PKHD1: variants seen among roughly 807,000 people sequenced by gnomAD.
PKHD1 encodes fibrocystin.
Under a neutral mutation model 412.0 loss-of-function variants are expected in PKHD1, and 291 were observed. That is an observed-to-expected ratio of 0.71 (90% CI 0.64 to 0.78). The LOEUF (loss-of-function observed/expected upper bound fraction) is 0.78, where lower values mean the gene tolerates loss of function less well. Among genes scored for constraint, PKHD1 ranks in the 30% least tolerant of loss-of-function variants. The probability of loss-of-function intolerance (pLI) is 0.00; values close to 1 mark genes in which losing one functional copy is unlikely to be tolerated. For synonymous variants in PKHD1, 1,777 were observed against 1,821.5 expected (o/e 0.98, Z 0.62); for missense variants, 4,825 against 4,950.7 (o/e 0.97, Z 0.76).
chr6:51,925,455 A>G (rs1160482), intron 37 of PKHD1, among the ~76,000 whole-genome samples: 80,790 of 144,518 alleles, frequency 0.56, 23,106 homozygotes, highest in East Asian at 0.93. Context: ...GTGTGTGTGT[A>G]TGTGTGTGTG....
intron 30 of PKHD1, 81 bp from the exon 31 acceptor site, chr6:52,027,977 T>C: frequency 8.0e-7 from 1 of 1,257,096 alleles, no homozygotes; most frequent in Non-Finnish European, 1.2e-6. Context: ...CATATGTATT[T>C]TGAGGAGAAG....
At chr6:51,844,852 G>A (rs1582998130) in intron 50 of PKHD1, among the ~76,000 whole-genome samples, 1 of 152,166 alleles carries the variant, frequency 6.6e-6, no homozygotes. Context: ...GGAATTCCGT[G>A]GCCATGATAG....
At chr6:51,709,014 C>G (rs73738167) in intron 60 of PKHD1, among the ~76,000 whole-genome samples, 2,678 of 152,284 alleles carry the variant, frequency 0.018, 83 homozygotes, top group African/African-American at 0.06. Context: ...TATTTACTAT[C>G]TGACCCTTTT....
chr6:52,026,618 A>T (rs530560607), intron 31 of PKHD1, among the ~76,000 whole-genome samples: 9 of 152,320 alleles, frequency 5.9e-5, no homozygotes, highest in African/African-American at 1.9e-4. Flanking sequence ...AATCAAATTC[A>T]TTGAAGTCTT....
chr6:51,828,925 C>T (rs982265035), intron 52 of PKHD1, among the ~76,000 whole-genome samples: 1 of 152,084 alleles, frequency 6.6e-6, no homozygotes, highest in Non-Finnish European at 1.5e-5. Context: ...AATCACAGAT[C>T]ATTTTTTGGA....
intron 37 of PKHD1, among the ~76,000 whole-genome samples, chr6:51,932,933 G>T (rs1408479136): frequency 6.6e-6 from 1 of 152,158 alleles, no homozygotes; most frequent in Non-Finnish European, 1.5e-5. Flanking sequence ...AAAGAAAAAT[G>T]GCAGATTCCT....
intron 60 of PKHD1, among the ~76,000 whole-genome samples, chr6:51,701,287 C>A (rs1267233394): frequency 6.6e-6 from 1 of 151,988 alleles, no homozygotes; most frequent in Non-Finnish European, 1.5e-5. Flanking sequence ...TAGAATTAAG[C>A]AAAAAATTAG....
intron 37 of PKHD1, among the ~76,000 whole-genome samples, chr6:51,925,612 T>C (rs1189518571): frequency 6.6e-6 from 1 of 152,178 alleles, no homozygotes; most frequent in South Asian, 2.1e-4. Context: ...TGAAGTAACT[T>C]GAACTGAGAC....
At chr6:51,986,359 T>A (rs1405663032) in intron 35 of PKHD1, among the ~76,000 whole-genome samples, 1 of 152,190 alleles carries the variant, frequency 6.6e-6, no homozygotes, top group Admixed American at 6.5e-5. Flanking sequence ...GAATCGTATA[T>A]ATCTATTAAA....
At chr6:51,868,537 A>C (rs1775454846) in intron 47 of PKHD1, among the ~76,000 whole-genome samples, 1 of 152,152 alleles carries the variant, frequency 6.6e-6, no homozygotes, top group Non-Finnish European at 1.5e-5. Context: ...TCCCCACAAC[A>C]AAGAATTATC....
chr6:51,909,601 T>A (rs1782659918), intron 39 of PKHD1, 127 bp from the exon 40 acceptor site: 2 of 726,688 alleles, frequency 2.8e-6, no homozygotes, highest in South Asian at 3.0e-5. Flanking sequence ...TTTAATAATC[T>A]TATTTCCCCT....
At chr6:51,898,286 T>G (rs1780501515) in intron 43 of PKHD1, among the ~76,000 whole-genome samples, 1 of 147,644 alleles carries the variant, frequency 6.8e-6, no homozygotes, top group South Asian at 2.2e-4. Flanking sequence ...TCAGCAAATG[T>G]AAAAGAACAG....
rs968990661 is a variant in PKHD1 at position 51,719,503 on chromosome 6, G to A, written c.10156+24882C>T. On this transcript the variant is annotated intron_variant, in intron 60 of 66. Transcript: ENST00000371117. ...ACTACATGCCAGTAGCACCCCTCCAGTTGGGACAAACAAAAATGTCATCAA... is the reference window on the plus strand; with the variant it reads ...ACTACATGCCAGTAGCACCCCTCCAATTGGGACAAACAAAAATGTCATCAA... Among the ~76,000 whole-genome samples, 4 of 152,206 alleles carry A rather than the reference G, an allele frequency of 2.6e-5. No individual in the cohort carries two copies. In the East Asian group the frequency reaches 5.8e-4, roughly 22 times the overall value.
chr6:51,825,478 G>A (rs562497548), intron 52 of PKHD1, among the ~76,000 whole-genome samples: 2 of 152,178 alleles, frequency 1.3e-5, no homozygotes, highest in South Asian at 2.1e-4. Context: ...AAACCCATGA[G>A]GAGAGGAACT....
intron 63 of PKHD1, among the ~76,000 whole-genome samples, chr6:51,647,762 C>T (rs766214518): frequency 9.2e-5 from 14 of 152,242 alleles, no homozygotes; most frequent in South Asian, 2.1e-4. Flanking sequence ...CTTTTCCTTA[C>T]ACTACCTTAA....
intron 63 of PKHD1, among the ~76,000 whole-genome samples, chr6:51,647,528 A>T (rs1181768215): frequency 6.6e-6 from 1 of 152,212 alleles, no homozygotes; most frequent in African/African-American, 2.4e-5. Flanking sequence ...GAGAAAAACT[A>T]GCTAAGGGCT....
At chr6:51,774,030 GC>G (rs1197407208) in intron 54 of PKHD1, among the ~76,000 whole-genome samples, 1 of 151,662 alleles carries the variant, frequency 6.6e-6, no homozygotes, top group East Asian at 1.9e-4. Context: ...TTCACTATAG[GC>G]TAAGTAAGCT....
At chr6:51,744,359 A>C (rs1438554215) in intron 60 of PKHD1, 26 bp downstream of exon 60, 1 of 1,606,342 alleles carries the variant, frequency 6.2e-7, no homozygotes, top group South Asian at 1.1e-5. Flanking sequence ...CCTCTACCAC[A>C]GGCATTGCAT....
chr6:51,968,412 T>C (rs561583129), intron 35 of PKHD1, among the ~76,000 whole-genome samples: 8 of 152,292 alleles, frequency 5.3e-5, no homozygotes, highest in African/African-American at 1.9e-4. Context: ...CCTGCCTCTT[T>C]AGAGGAGCTG....
Sources: gnomAD v4.1 joint callset for allele counts (sites outside exome capture counted in the v4.1 genomes callset) on GRCh38, gnomAD v4.1.1 for gene constraint, MANE v1.5 for transcripts, NCBI Gene and HGNC (gene_info 2026-07-23, HGNC 2026-07-21) for gene names.